The following PRKDC variants were observed in gnomAD, a reference collection of about 807,000 sequenced individuals.
PRKDC encodes protein kinase, DNA-activated, catalytic subunit, also known as DNA-dependent protein kinase catalytic subunit.
In PRKDC, 82 loss-of-function variants were observed where a neutral mutation model predicts 486.9. The observed-to-expected ratio is 0.17, with a 90% confidence interval of 0.14 to 0.20. PRKDC has a LOEUF of 0.20. PRKDC is among the 10% of genes least tolerant of loss of function. The probability of loss-of-function intolerance (pLI) is 1.00; values close to 1 mark genes in which losing one functional copy is unlikely to be tolerated. For synonymous variants in PRKDC, 1,895 were observed against 1,837.0 expected (o/e 1.03, Z -0.81); for missense variants, 4,504 against 5,038.2 (o/e 0.89, Z 3.21).
intron 59 of PRKDC, among the ~76,000 whole-genome samples, chr8:47,833,552 C>G (rs550693754): frequency 1.6e-3 from 246 of 152,238 alleles, no homozygotes; most frequent in African/African-American, 5.7e-3. Flanking sequence ...ACTTCTGCCC[C>G]ACACAAACCT....
intron 7 of PRKDC, among the ~76,000 whole-genome samples, chr8:47,949,715 T>C (rs1038979213): frequency 1.3e-4 from 19 of 151,346 alleles, no homozygotes. Flanking sequence ...CTAAGAGGGG[T>C]GACAGTTGAA....
intron 63 of PRKDC, among the ~76,000 whole-genome samples, chr8:47,825,165 A>G (rs1267180160): frequency 1.3e-5 from 2 of 152,164 alleles, no homozygotes; most frequent in Non-Finnish European, 2.9e-5. Flanking sequence ...GATCACCTAC[A>G]TACCCCTATA....
chr8:47,934,019 T>A lies in PRKDC; in HGVS notation c.1569A>T (p.Thr523=). 6.2e-7 allele frequency: 1 copy of A among 1,613,776 alleles called. No homozygotes were observed. The highest frequency in any genetic ancestry group is 1.1e-5 in the South Asian group (1 of 91,074). The change falls in exon 15 of 86, where the codon ACA becomes ACT. Residue 523 remains threonine, a synonymous_variant. Coordinates refer to ENST00000314191, the MANE Select transcript of PRKDC (RefSeq NM_006904.7). ...TGAAGAGATCCACGTAGTCTTTGTATGTGGGCACCTTCCATTTGCCAGTTC... is the reference window on the plus strand; with the variant it reads ...TGAAGAGATCCACGTAGTCTTTGTAAGTGGGCACCTTCCATTTGCCAGTTC... ...EVRTGKWKVP[T]YKDYVDLFRH...
chr8:47,957,760 C>T (rs528163712), intron 1 of PRKDC, among the ~76,000 whole-genome samples: 3 of 152,288 alleles, frequency 2.0e-5, no homozygotes, highest in African/African-American at 7.2e-5. Context: ...ACGATCAGCC[C>T]GCCTCGGCCT....
intron 59 of PRKDC, 144 bp from the exon 60 acceptor site, chr8:47,832,070 G>C (rs2087894813): frequency 1.5e-6 from 1 of 681,740 alleles, no homozygotes; most frequent in Admixed American, 2.5e-5. Flanking sequence ...AGGGGCCACA[G>C]CTGCAACTGG....
intron 7 of PRKDC, among the ~76,000 whole-genome samples, chr8:47,950,091 G>C (rs368920937): frequency 6.6e-6 from 1 of 151,976 alleles, no homozygotes; most frequent in East Asian, 1.9e-4. Flanking sequence ...GGCCAACATG[G>C]TGAAACCCCA....
chr8:47,885,916 C>T (rs777861292), intron 36 of PRKDC, 28 bp downstream of exon 36: 2 of 1,592,022 alleles, frequency 1.3e-6, no homozygotes, highest in Admixed American at 1.7e-5. Flanking sequence ...ACAAAAAAAA[C>T]AGTTTATTTA....
At chr8:47,801,829 C>A (rs971425176) in intron 70 of PRKDC, among the ~76,000 whole-genome samples, 2 of 152,278 alleles carry the variant, frequency 1.3e-5, no homozygotes, top group Non-Finnish European at 2.9e-5. Context: ...GAGGCCTGAT[C>A]AACCACATGC....
At chr8:47,801,128 A>C in intron 70 of PRKDC, 142 bp from the exon 71 acceptor site, 1 of 816,308 alleles carries the variant, frequency 1.2e-6, no homozygotes. Flanking sequence ...CTGGAGTGCA[A>C]CGACACGATT....
chr8:47,799,904 G>A (rs1589704466), intron 71 of PRKDC, among the ~76,000 whole-genome samples: 1 of 152,324 alleles, frequency 6.6e-6, no homozygotes, highest in African/African-American at 2.4e-5. Flanking sequence ...CCATAAGCTG[G>A]TGGGACGTCT....
chr8:47,803,014 C>T (rs369144703), intron 70 of PRKDC, among the ~76,000 whole-genome samples: 19 of 152,298 alleles, frequency 1.2e-4, no homozygotes, highest in African/African-American at 4.3e-4. Context: ...TTCTCGATCT[C>T]CTGACCTCGT....
At position 47,953,688 on chromosome 8, in the gene PRKDC, G is replaced by C; in HGVS notation, c.653C>G (p.Pro218Arg). ...CCCCTTCAGACATCCTGCCAGAACA[G>C]GTAGTTTGGGCTCTCTTACTGCTGA... The part of the protein sequence containing the change: ...MTSAVREPKL[P>R]VLAGCLKGLS... Residue 218 changes from proline to arginine, a missense_variant, in exon 7 of 86, where the codon CCT becomes CGT. Transcript: ENST00000314191. 1.2e-6 allele frequency: 2 copies of C among 1,613,300 alleles called. No homozygotes were observed. The highest frequency in any genetic ancestry group is 1.7e-6 in the Non-Finnish European group (2 of 1,179,636).
chr8:47,915,681 T>C (rs934196657), intron 22 of PRKDC, among the ~76,000 whole-genome samples: 1 of 152,202 alleles, frequency 6.6e-6, no homozygotes, highest in Non-Finnish European at 1.5e-5. Flanking sequence ...ACTAAACCCA[T>C]TACATGTTAT....
intron 11 of PRKDC, among the ~76,000 whole-genome samples, chr8:47,938,496 T>C (rs1781779704): frequency 6.6e-6 from 1 of 152,114 alleles, no homozygotes; most frequent in African/African-American, 2.4e-5. Flanking sequence ...TCAGTTGTTT[T>C]TTCTACAAAG....
chr8:47,900,612 A>G (rs2089662122), intron 27 of PRKDC, 145 bp from the exon 28 acceptor site: 5 of 604,048 alleles, frequency 8.3e-6, no homozygotes, highest in Non-Finnish European at 1.4e-5. Flanking sequence ...CTGTAATCCC[A>G]GCACTTTGGG....
At chr8:47,866,849 C>T (rs2088829860) in intron 40 of PRKDC, among the ~76,000 whole-genome samples, 1 of 152,130 alleles carries the variant, frequency 6.6e-6, no homozygotes, top group South Asian at 2.1e-4. Context: ...GATACACGGG[C>T]AAATACAAGA....
chr8:47,869,655 G>A (rs981802697), intron 40 of PRKDC, among the ~76,000 whole-genome samples: 4 of 151,938 alleles, frequency 2.6e-5, no homozygotes, highest in Admixed American at 2.6e-4. Flanking sequence ...TAAGAGTAAA[G>A]GAGACTTGCA....
At chr8:47,803,092 T>C (rs1188313513) in intron 70 of PRKDC, among the ~76,000 whole-genome samples, 4 of 152,208 alleles carry the variant, frequency 2.6e-5, no homozygotes, top group Non-Finnish European at 4.4e-5. Flanking sequence ...CAGGCTGAAA[T>C]GGCTTTTCAT....
At chr8:47,801,795 G>A (rs2087114150) in intron 70 of PRKDC, among the ~76,000 whole-genome samples, 1 of 152,106 alleles carries the variant, frequency 6.6e-6, no homozygotes, top group Admixed American at 6.6e-5. Flanking sequence ...GTGTCCAGAG[G>A]TGCGATAACA....
Sources: gnomAD v4.1 joint callset for allele counts (sites outside exome capture counted in the v4.1 genomes callset) on GRCh38, gnomAD v4.1.1 for gene constraint, MANE v1.5 for transcripts, NCBI Gene and HGNC (gene_info 2026-07-23, HGNC 2026-07-21) for gene names.